The following ANXA11 variants were observed in gnomAD, a reference collection of about 807,000 sequenced individuals.
The protein encoded by ANXA11 is annexin A11, also known as 56 kDa autoantigen.
In ANXA11, 57 loss-of-function variants were observed where a neutral mutation model predicts 64.7. The observed-to-expected ratio is 0.88, with a 90% CI of 0.71 to 1.10. The LOEUF is 1.10. Ranked by LOEUF, ANXA11 falls within the 50% of genes least tolerant of loss-of-function variation. The pLI is 0.00. For synonymous variants in ANXA11, 260 were observed against 265.2 expected (o/e 0.98, Z 0.19); for missense variants, 675 against 670.7 (o/e 1.01, Z -0.07).
intron 2 of ANXA11, 86 bp from the exon 3 acceptor site, chr10:80,172,955 C>A: frequency 8.5e-7 from 1 of 1,171,822 alleles, no homozygotes; most frequent in South Asian, 1.3e-5. Context: ...AGGGCAGCCA[C>A]CACCACAACT....
At chr10:80,162,154 G>A (rs1042733610) in intron 11 of ANXA11, 126 bp from the exon 12 acceptor site, 2 of 717,082 alleles carry the variant, frequency 2.8e-6, no homozygotes, top group Middle Eastern at 2.5e-4. Flanking sequence ...TGCAACCTCT[G>A]AACTAGATGG....
rs1341641987 is a variant in ANXA11, at chr10:80,169,142, C to T, written c.388G>A (p.Gly130Ser). ...TGTCCGGGGGGTGGCATGGGCTGGC[C>T]CGGCACAGGGGCCCCTGGGTATGGC... Reference protein sequence around the residue: ...YPPYPGAPVPGQPMPPPGQQP... With the variant: ...YPPYPGAPVPSQPMPPPGQQP... Residue 130 changes from glycine (G) to serine (S), a missense_variant, in exon 5 of 16, where the codon GGC (glycine) becomes AGC (serine). Coordinates refer to ENST00000422982, the MANE Select transcript of ANXA11 (RefSeq NM_145868.2). 6.4e-7 allele frequency: 1 copy of T among 1,555,150 alleles called. No homozygotes were observed. Among genetic ancestry groups the T allele is most frequent in the Non-Finnish European group, 8.7e-7 (1 of 1,155,840 alleles).
intron 1 of ANXA11, among the ~76,000 whole-genome samples, chr10:80,188,153 C>T (rs993533776): frequency 6.6e-6 from 1 of 151,922 alleles, no homozygotes. Context: ...CACTCTAAAC[C>T]AGCTCCCCCA....
intron 1 of ANXA11, among the ~76,000 whole-genome samples, chr10:80,199,563 T>C (rs886814960): frequency 2.8e-4 from 43 of 152,018 alleles, no homozygotes; most frequent in Admixed American, 1.0e-3. Flanking sequence ...CCCAGCACTT[T>C]GGGAAGCTGA....
chr10:80,188,258 G>A (rs1427898237), intron 1 of ANXA11, among the ~76,000 whole-genome samples: 3 of 151,912 alleles, frequency 2.0e-5, no homozygotes, highest in Non-Finnish European at 4.4e-5. Flanking sequence ...TTTTACCGCA[G>A]CCCACACAGC....
At chr10:80,193,705 G>A (rs1018098958) in intron 1 of ANXA11, among the ~76,000 whole-genome samples, 5 of 150,692 alleles carry the variant, frequency 3.3e-5, no homozygotes, top group Admixed American at 6.6e-5. Flanking sequence ...GTAGTCTGGC[G>A]TGGTGGCGCA....
In ANXA11 at chr10:80,171,250, C is replaced by CA. The variant is rs1422085915; in HGVS notation, c.56-336dup. The CA allele has an allele frequency of 2.5e-6, 3 of 1,180,354 alleles. No individual in the cohort carries two copies. The South Asian group carries it at 5.9e-5, about 23-fold the overall frequency. 73.1% of individuals were successfully genotyped at this position (1,180,354 alleles called of 1,614,324 possible). Reference sequence around the variant, plus strand: ...CATGGAGCAGGAGGACAGACAAGGACAGACTGTTGTGGGACACCATGCTGA... The same window carrying CA: ...CATGGAGCAGGAGGACAGACAAGGACAAGACTGTTGTGGGACACCATGCTGA... On this transcript the variant is annotated intron_variant, in intron 3 of 15. Transcript: ENST00000422982.
At chr10:80,160,236 A>C (rs1405770139) in intron 12 of ANXA11, among the ~76,000 whole-genome samples, 1 of 152,252 alleles carries the variant, frequency 6.6e-6, no homozygotes, top group African/African-American at 2.4e-5. Context: ...TGCACTACTT[A>C]CATGTTCTGT....
intron 1 of ANXA11, among the ~76,000 whole-genome samples, chr10:80,195,032 C>T (rs1564626555): frequency 6.6e-6 from 1 of 152,170 alleles, no homozygotes; most frequent in Non-Finnish European, 1.5e-5. Flanking sequence ...CCGTCTCTCA[C>T]CACAGGCTGA....
rs567531642 is a variant in ANXA11, at chr10:80,162,077, C to CA, written c.1087-50dup. ...TGTGGCACAGGCCACACCCAGACCC[C>CA]AGGCCCAGGTCACCCAGGAGAGCCT... On this transcript the variant is annotated intron_variant, in intron 11 of 15. Transcript: ENST00000422982. 536 of 1,496,506 alleles carry CA rather than the reference C, an allele frequency of 3.6e-4. 6 individuals are homozygous for CA. The South Asian group carries it at 5.9e-3, about 16-fold the overall frequency. The allele number at this position is 1,496,506 out of a possible 1,614,324, so 92.7% of individuals were successfully genotyped here.
intron 1 of ANXA11, among the ~76,000 whole-genome samples, chr10:80,180,017 T>C (rs1349606288): frequency 6.6e-6 from 1 of 152,170 alleles, no homozygotes; most frequent in Non-Finnish European, 1.5e-5. Context: ...GCCAAAAGCA[T>C]AGAGCAGCTA....
In ANXA11 at chr10:80,153,422, T is replaced by G. The variant is rs1427521315; in HGVS notation, c.*2431A>C. On this transcript the variant is annotated 3_prime_UTR_variant, in exon 16 of 16. Coordinates refer to ENST00000422982, the MANE Select transcript of ANXA11 (RefSeq NM_145868.2). The stretch of plus-strand genomic sequence containing the variant: ...AAAACACTTTGGAAACCAAAGTAAA[T>G]GTGTCTGTAGGTGCAATATTGCCTG... 3.9e-5 allele frequency: 6 copies of G among 152,246 alleles called. No homozygotes were observed. In the East Asian group the frequency reaches 1.2e-3, roughly 29 times the overall value. The allele number at this position is 152,246 out of a possible 1,614,324, so 9.4% of individuals were successfully genotyped here.
rs1845191960 is a variant in ANXA11, at chr10:80,153,513, C to G, written c.*2340G>C. 6.6e-6 allele frequency: 1 copy of G among 152,262 alleles called. No individual in the cohort carries two copies. Among genetic ancestry groups the G allele is most frequent in the South Asian group, 2.1e-4 (1 of 4,832 alleles). 9.4% of individuals were successfully genotyped at this position (152,262 alleles called of 1,614,324 possible). On this transcript the variant is annotated 3_prime_UTR_variant, in exon 16 of 16. Transcript: ENST00000422982. ...GTAATGTCACAGAATATGGTCACAT[C>G]AGAGCACATTGGTTCTAGGCCCCAT... is the stretch of plus-strand genomic sequence containing the variant.
intron 8 of ANXA11, 42 bp downstream of exon 8, chr10:80,166,042 G>GCACACA (rs56904277): frequency 0.014 from 6,364 of 450,268 alleles, 45 homozygotes; most frequent in South Asian, 0.08. Context: ...ACACACGCGC[G>GCACACA]CACACACACA....
intron 1 of ANXA11, 77 bp downstream of exon 1, chr10:80,205,266 G>A (rs917968846): frequency 2.0e-5 from 3 of 147,538 alleles, no homozygotes; most frequent in African/African-American, 4.9e-5. Context: ...AGGCAGCCCC[G>A]GGCCTCACCC....
Position 80,166,997 on chromosome 10 carries a change from G to T in ANXA11, c.650-13C>A. On this transcript the variant is annotated splice_polypyrimidine_tract_variant and intron_variant, in intron 6 of 15. Transcript: ENST00000422982. ...TGCTCATCCGTCCCTGGAGGAAGAG[G>T]CAGCAGGGGTGGGTCGGGTAGGGGT... 6.3e-7 allele frequency: 1 copy of T among 1,576,870 alleles called. No individual in the cohort carries two copies.
chr10:80,163,544 G>C lies in ANXA11; in HGVS notation c.1019C>G (p.Ser340Cys). 6.3e-7 allele frequency: 1 copy of C among 1,579,988 alleles called. No individual in the cohort carries two copies. Among genetic ancestry groups the C allele is most frequent in the Non-Finnish European group, 8.6e-7 (1 of 1,162,174 alleles). Residue 340 changes from serine (S) to cysteine (C), a missense_variant, in exon 10 of 16, where the codon TCT becomes TGT. Physicochemically the swap from Ser to Cys is moderately radical, Grantham distance 112. Transcript: ENST00000422982. Reference protein sequence around the residue: ...TSGHFQRLLISLSQGNRDEST... With the variant: ...TSGHFQRLLICLSQGNRDEST... ...TCGTGGGAAAAGTACCTGAGAGAGA[G>C]AGATGAGGAGCCGCTGGAAGTGCCC...
intron 1 of ANXA11, among the ~76,000 whole-genome samples, chr10:80,176,444 GAA>G (rs1846171800): frequency 6.6e-6 from 1 of 152,230 alleles, no homozygotes; most frequent in African/African-American, 2.4e-5. Context: ...TGACACACAA[GAA>G]ACTAGCTAAC....
In ANXA11 at chr10:80,157,745, G is replaced by A. The variant is rs150671497; in HGVS notation, c.1354C>T (p.Arg452Trp). 8.3e-4 allele frequency: 1,335 copies of A among 1,613,668 alleles called. 20 individuals are homozygous for A. The South Asian group carries it at 0.014, about 17-fold the overall frequency. The change falls in exon 15 of 16, where the codon CGG becomes TGG. Residue 452 changes from arginine to tryptophan, a missense_variant. Arg to Trp is a moderately radical substitution (Grantham distance 101). Transcript: ENST00000422982. ...GACACCATGATGCGAATCAGGGTCC[G>A]GTCCTTTGTTCCTGCCCCCTAAAGA... is the stretch of plus-strand genomic sequence containing the variant. ...KAMRGAGTKDRTLIRIMVSRS... is the reference protein window; with the variant it reads ...KAMRGAGTKDWTLIRIMVSRS...
Sources: allele counts gnomAD v4.1 joint callset (sites outside exome capture counted in the v4.1 genomes callset), GRCh38; gene constraint gnomAD v4.1.1; transcripts MANE v1.5; gene names NCBI Gene and HGNC (gene_info 2026-07-23, HGNC 2026-07-21).